PALM2AKAP2: variants seen among roughly 807,000 people sequenced by gnomAD.
PALM2AKAP2 encodes the protein PALM2-AKAP2 fusion protein.
PALM2AKAP2 carries 37 observed loss-of-function variants against 71.5 expected under a neutral mutation model. The ratio of observed to expected loss-of-function variants is 0.52; its 90% CI spans 0.40 to 0.68. The LOEUF is 0.68. Ranked by LOEUF, PALM2AKAP2 falls within the 30% of genes least tolerant of loss-of-function variation. The pLI, the probability that PALM2AKAP2 is intolerant of heterozygous loss-of-function variation, is 0.00. For synonymous variants in PALM2AKAP2, 468 were observed against 478.8 expected (o/e 0.98, Z 0.29); for missense variants, 1,224 against 1,191.8 (o/e 1.03, Z -0.40).
chr9:109,835,402 T>G (rs976821227), intron 1 of PALM2AKAP2, among the ~76,000 whole-genome samples: 4 of 148,104 alleles, frequency 2.7e-5, no homozygotes, highest in African/African-American at 7.4e-5. Context: ...GTGGGGGCGG[T>G]TCCAAGATGG....
intron 3 of PALM2AKAP2, among the ~76,000 whole-genome samples, chr9:109,898,194 CA>C (rs946216547): frequency 1.3e-5 from 2 of 152,206 alleles, no homozygotes; most frequent in African/African-American, 4.8e-5. Context: ...CACATAGTAG[CA>C]GTGGTACCCT....
intron 1 of PALM2AKAP2, among the ~76,000 whole-genome samples, chr9:109,857,068 G>A (rs1211727042): frequency 1.3e-5 from 2 of 152,100 alleles, no homozygotes; most frequent in African/African-American, 4.8e-5. Flanking sequence ...GTCCACCCCC[G>A]CTTCCTGCCC....
intron 1 of PALM2AKAP2, among the ~76,000 whole-genome samples, chr9:109,794,771 C>A (rs367835685): frequency 6.6e-6 from 1 of 152,194 alleles, no homozygotes; most frequent in Non-Finnish European, 1.5e-5. Context: ...CTGGAAATTT[C>A]CAAAGGGACT....
intron 1 of PALM2AKAP2, among the ~76,000 whole-genome samples, chr9:109,728,429 G>C (rs1384507576): frequency 6.6e-6 from 1 of 152,160 alleles, no homozygotes; most frequent in African/African-American, 2.4e-5. Context: ...GGTGGAAAGT[G>C]ATCACAACAC....
At chr9:109,875,044 A>T (rs1829689165) in intron 2 of PALM2AKAP2, among the ~76,000 whole-genome samples, 3 of 152,168 alleles carry the variant, frequency 2.0e-5, no homozygotes, top group Admixed American at 2.0e-4. Context: ...CTCCTTAACA[A>T]GGCTACAGAA....
chr9:109,701,723 C>A (rs1337893614), intron 1 of PALM2AKAP2, among the ~76,000 whole-genome samples: 4 of 150,660 alleles, frequency 2.7e-5, no homozygotes, highest in African/African-American at 7.3e-5. Flanking sequence ...GCAATGGCAA[C>A]AAAAGCCAAA....
At chr9:109,760,640 G>A (rs898075711) in intron 1 of PALM2AKAP2, 19 of 152,140 alleles carry the variant, frequency 1.2e-4, no homozygotes, top group African/African-American at 4.6e-4. Context: ...GAGAGTTAAC[G>A]AGAAGAGCTG....
Position 109,698,300 on chromosome 9 carries a change from G to A in PALM2AKAP2, c.5+57434G>A, listed in dbSNP as rs930317996. Among the ~76,000 whole-genome samples the A allele has an allele frequency of 3.7e-5, 5 of 134,030 alleles. No homozygotes were observed. The Admixed American group carries it at 3.9e-4, about 10-fold the overall frequency. The allele number at this position is 134,030 out of a possible 152,430, so 87.9% of individuals were successfully genotyped here. On this transcript the variant is annotated intron_variant, in intron 1 of 6. Transcript: ENST00000374531. ...TTTTTTTTTTTTTTTTTTTTGAGAC[G>A]GAGTTTCGCTTTTGTCACCCAGCCT...
chr9:109,843,252 T>G (rs1828755836), intron 1 of PALM2AKAP2, among the ~76,000 whole-genome samples: 1 of 137,190 alleles, frequency 7.3e-6, no homozygotes, highest in Admixed American at 8.3e-5. Flanking sequence ...CAGTGAGCTA[T>G]GATGGCACTA....
chr9:110,097,467 G>A (rs1228569026), intron 1 of PALM2AKAP2, among the ~76,000 whole-genome samples: 1 of 152,044 alleles, frequency 6.6e-6, no homozygotes, highest in Non-Finnish European at 1.5e-5. Context: ...GAGCTGTTGG[G>A]TACACCTCCC....
At chr9:110,079,035 TA>T (rs1162882472) in intron 1 of PALM2AKAP2, among the ~76,000 whole-genome samples, 2 of 152,230 alleles carry the variant, frequency 1.3e-5, no homozygotes, top group East Asian at 3.8e-4. Flanking sequence ...TGTTTTCTTT[TA>T]AAATCAGTAC....
intron 1 of PALM2AKAP2, among the ~76,000 whole-genome samples, chr9:110,085,112 G>A (rs1194970492): frequency 3.3e-5 from 5 of 152,192 alleles, no homozygotes; most frequent in Admixed American, 2.0e-4. Context: ...AACCACAGAC[G>A]CAGAGGGCCA....
intron 7 of PALM2AKAP2, among the ~76,000 whole-genome samples, chr9:110,022,168 C>T (rs1833084470): frequency 6.6e-6 from 1 of 152,188 alleles, no homozygotes; most frequent in South Asian, 2.1e-4. Context: ...TTCACTGTGT[C>T]TCTCTCTGTA....
chr9:109,948,377 A>G (rs1266412359), intron 6 of PALM2AKAP2, among the ~76,000 whole-genome samples: 1 of 152,236 alleles, frequency 6.6e-6, no homozygotes, highest in East Asian at 1.9e-4. Context: ...CCAGTATAAT[A>G]TAAGAAGGTC....
intron 1 of PALM2AKAP2, among the ~76,000 whole-genome samples, chr9:110,092,856 A>G (rs1834746507): frequency 6.6e-6 from 1 of 152,104 alleles, no homozygotes; most frequent in Admixed American, 6.5e-5. Flanking sequence ...TACTTTCTCA[A>G]TTCCGTACAG....
chr9:109,922,436 A>AAC (rs1830855983), intron 3 of PALM2AKAP2, among the ~76,000 whole-genome samples: 1 of 141,942 alleles, frequency 7.0e-6, no homozygotes, highest in Admixed American at 7.0e-5. Context: ...AAAAAAAAAA[A>AAC]AAAAAAAAAA....
rs115756724 is a variant in PALM2AKAP2, at chr9:109,792,501, T to A, written c.45+11968T>A. Among the ~76,000 whole-genome samples, 688 of 152,184 alleles carry A rather than the reference T, an allele frequency of 4.5e-3. 7 individuals carry two copies. Among genetic ancestry groups the A allele is most frequent in the African/African-American group, 0.016 (651 of 41,520 alleles). On this transcript the variant is annotated intron_variant, in intron 1 of 9. Transcript: ENST00000302798. ...TAGATTTGTGCAATCACTGGTATAC[T>A]CAGGCAACAGAACAGTTCCATCACC...
intron 1 of PALM2AKAP2, among the ~76,000 whole-genome samples, chr9:110,082,940 G>A (rs1214552463): frequency 2.0e-5 from 3 of 152,134 alleles, no homozygotes; most frequent in Non-Finnish European, 4.4e-5. Flanking sequence ...TCGGGAGTTC[G>A]AGATCACCCT....
chr9:110,077,531 G>A (rs1484741609), intron 1 of PALM2AKAP2, among the ~76,000 whole-genome samples: 9 of 92,296 alleles, frequency 9.8e-5, no homozygotes, highest in Admixed American at 3.0e-4. Flanking sequence ...TTAATCTCAC[G>A]TCTCTGACTC....
Sources: gnomAD v4.1 joint callset for allele counts (sites outside exome capture counted in the v4.1 genomes callset) on GRCh38, gnomAD v4.1.1 for gene constraint, MANE v1.5 for transcripts, NCBI Gene and HGNC (gene_info 2026-07-23, HGNC 2026-07-21) for gene names.